The following VEZT variants were observed in gnomAD, a reference collection of about 807,000 sequenced individuals.
The protein encoded by VEZT is vezatin.
In VEZT, 39 loss-of-function variants were observed where a neutral mutation model predicts 79.9. The ratio of observed to expected loss-of-function variants is 0.49; its 90% CI spans 0.38 to 0.64. VEZT has a LOEUF of 0.64. Ranked by LOEUF, VEZT falls within the 30% of genes least tolerant of loss-of-function variation. The probability of loss-of-function intolerance (pLI) is 0.00; values close to 1 mark genes in which losing one functional copy is unlikely to be tolerated. For missense variants in VEZT, 837 were observed against 893.1 expected (o/e 0.94, Z 0.80); for synonymous variants, 325 against 327.6 (o/e 0.99, Z 0.09).
intron 7 of VEZT, among the ~76,000 whole-genome samples, chr12:95,279,202 T>C (rs2068454463): frequency 6.6e-6 from 1 of 152,222 alleles, no homozygotes; most frequent in Admixed American, 6.5e-5. Context: ...GCATCCCTAA[T>C]CCAAAAATTT....
chr12:95,282,515 G>A lies in VEZT; in HGVS notation c.1199G>A (p.Arg400Gln), dbSNP rs1289289733. 3 of 1,613,774 alleles carry A rather than the reference G, an allele frequency of 1.9e-6. No homozygotes were observed. The highest frequency in any genetic ancestry group is 1.1e-5 in the South Asian group (1 of 91,080). ...EELKRSYEFY[R>Q]YFETQHQSVP... is the part of the protein sequence containing the mutation. ...CTTAAGCGCAGCTATGAGTTCTATC[G>A]GTACTTTGAAACTCAGCACCAGTCA... Residue 400 changes from arginine (R) to glutamine (Q), a missense_variant, in exon 8 of 12, where the codon CGG becomes CAG. Transcript: ENST00000436874.
intron 1 of VEZT, among the ~76,000 whole-genome samples, chr12:95,243,458 C>T (rs1873052): frequency 0.29 from 43,567 of 151,612 alleles, 7,187 homozygotes; most frequent in African/African-American, 0.46. Flanking sequence ...TCATCTATTC[C>T]TCTCACCCTC....
chr12:95,267,398 A>T lies in VEZT; in HGVS notation c.710+766A>T, dbSNP rs913613458. Among the ~76,000 whole-genome samples, 3 of 152,330 alleles carry T rather than the reference A, an allele frequency of 2.0e-5. No homozygotes were observed. In the South Asian group the frequency reaches 6.2e-4, roughly 32 times the overall value. On this transcript the variant is annotated intron_variant, in intron 5 of 11. Transcript: ENST00000436874. Reference sequence around the variant, plus strand: ...TAACAGATGACAGTTGTGTGCTAGTATATTTAATAATTTATATAACCTATA... The same window carrying T: ...TAACAGATGACAGTTGTGTGCTAGTTTATTTAATAATTTATATAACCTATA...
chr12:95,292,096 G>A (rs2072999329), intron 9 of VEZT, among the ~76,000 whole-genome samples: 1 of 152,044 alleles, frequency 6.6e-6, no homozygotes, highest in African/African-American at 2.4e-5. Context: ...CACCACATCC[G>A]GCCTCTTGCT....
chr12:95,285,136 GTATCAACCTAATAGAACAAGC>G (rs2070366294), intron 8 of VEZT, among the ~76,000 whole-genome samples: 1 of 140,176 alleles, frequency 7.1e-6, no homozygotes, highest in African/African-American at 2.6e-5. Flanking sequence ...AATTACTTTT[GTATCAACCTAATAGAACAAGC>G]TTCCGGCCAG....
At position 95,266,572 on chromosome 12, in the gene VEZT, T is replaced by C; in HGVS notation, c.650T>C (p.Leu217Pro). ...MATNSRAFTN[L>P]VRKALRLIQE... is the part of the protein sequence containing the mutation. ...ACAAACAGCCGAGCTTTTACTAACC[T>C]CGTGAGAAAAGCTTTACGTCTCATT... is the stretch of plus-strand genomic sequence containing the variant. The change falls in exon 5 of 12, where the codon CTC (leucine) becomes CCC (proline). Residue 217 changes from leucine (L) to proline (P), a missense_variant. Leu to Pro is a moderately conservative substitution (Grantham distance 98, BLOSUM62 -3). Coordinates refer to ENST00000436874, the MANE Select transcript of VEZT (RefSeq NM_017599.4). 1 of 1,613,852 alleles carries C rather than the reference T, an allele frequency of 6.2e-7. No homozygotes were observed. The highest frequency in any genetic ancestry group is 1.3e-5 in the African/African-American group (1 of 75,060).
intron 2 of VEZT, 28 bp from the exon 3 acceptor site, chr12:95,257,122 C>T: frequency 6.4e-7 from 1 of 1,562,244 alleles, no homozygotes. Flanking sequence ...TTTTAATAAT[C>T]CTATACAATG....
At chr12:95,239,933 C>T (rs1007117204) in intron 1 of VEZT, among the ~76,000 whole-genome samples, 1 of 132,176 alleles carries the variant, frequency 7.6e-6, no homozygotes, top group Non-Finnish European at 1.6e-5. Flanking sequence ...GCCTGAGCAA[C>T]AGAGGGAGAC....
rs2062675123 is a variant in VEZT, at chr12:95,251,929, G to A, written c.37-11G>A. The A allele has an allele frequency of 1.3e-6, 2 of 1,597,456 alleles. No homozygotes were observed. The highest frequency in any genetic ancestry group is 1.7e-4 in the Middle Eastern group (1 of 5,978). ...GATCTTGAAATTTGCTTTATTTTGTGTCTTTTTCAGAATTCTCCACTTTAC... is the reference window on the plus strand; with the variant it reads ...GATCTTGAAATTTGCTTTATTTTGTATCTTTTTCAGAATTCTCCACTTTAC... On this transcript the variant is annotated splice_polypyrimidine_tract_variant and intron_variant, in intron 1 of 11. Coordinates refer to ENST00000436874, the MANE Select transcript of VEZT (RefSeq NM_017599.4).
intron 1 of VEZT, among the ~76,000 whole-genome samples, chr12:95,227,677 A>G (rs982438020): frequency 2.6e-5 from 4 of 151,710 alleles, no homozygotes; most frequent in Admixed American, 2.0e-4. Flanking sequence ...GGGTTTTGAC[A>G]TGTTGCCCAG....
At chr12:95,238,437 T>C (rs1471600378) in intron 1 of VEZT, among the ~76,000 whole-genome samples, 1 of 152,230 alleles carries the variant, frequency 6.6e-6, no homozygotes, top group Non-Finnish European at 1.5e-5. Context: ...TTCTAAAATA[T>C]ATATAGTAAC....
At chr12:95,270,565 C>CA (rs1431651132) in intron 6 of VEZT, among the ~76,000 whole-genome samples, 2 of 152,096 alleles carry the variant, frequency 1.3e-5, no homozygotes, top group African/African-American at 4.8e-5. Flanking sequence ...CTTCCCTTTT[C>CA]AAAAAAACAG....
intron 1 of VEZT, among the ~76,000 whole-genome samples, chr12:95,232,124 G>A (rs550328008): frequency 3.9e-5 from 6 of 152,198 alleles, no homozygotes; most frequent in African/African-American, 1.4e-4. Context: ...TGTTCTATAT[G>A]TGATAGTCAC....
intron 9 of VEZT, among the ~76,000 whole-genome samples, chr12:95,288,942 G>A (rs2071745843): frequency 3.3e-5 from 5 of 151,998 alleles, no homozygotes; most frequent in Admixed American, 3.3e-4. Context: ...GCCAGGCACG[G>A]TGATGGGAGT....
intron 1 of VEZT, among the ~76,000 whole-genome samples, chr12:95,239,120 G>A (rs1447414144): frequency 6.6e-6 from 1 of 152,082 alleles, no homozygotes; most frequent in African/African-American, 2.4e-5. Flanking sequence ...TTACCTTTTG[G>A]GTGAGAGACT....
intron 5 of VEZT, among the ~76,000 whole-genome samples, chr12:95,268,517 T>C (rs776633845): frequency 3.3e-5 from 5 of 152,080 alleles, no homozygotes; most frequent in Non-Finnish European, 7.4e-5. Flanking sequence ...AAAAAAGTAA[T>C]AGTTCCTTTT....
chr12:95,268,101 G>A (rs2065868420), intron 5 of VEZT, among the ~76,000 whole-genome samples: 1 of 152,042 alleles, frequency 6.6e-6, no homozygotes. Context: ...TTTTGTCGTT[G>A]CATTAGTTGA....
intron 7 of VEZT, among the ~76,000 whole-genome samples, chr12:95,279,344 C>T (rs1218979002): frequency 1.3e-5 from 2 of 152,178 alleles, no homozygotes; most frequent in Non-Finnish European, 2.9e-5. Context: ...CCCTAGAACA[C>T]AGTCCTTATC....
chr12:95,271,005 T>C (rs2066482282), intron 6 of VEZT, among the ~76,000 whole-genome samples: 2 of 152,228 alleles, frequency 1.3e-5, no homozygotes, highest in African/African-American at 2.4e-5. Context: ...TACAGGGTGC[T>C]TTATGTTCTA....
Sources: allele counts gnomAD v4.1 joint callset (sites outside exome capture counted in the v4.1 genomes callset), GRCh38; gene constraint gnomAD v4.1.1; transcripts MANE v1.5; gene names NCBI Gene and HGNC (gene_info 2026-07-23, HGNC 2026-07-21).